Variants in EPC2 observed in about 807,000 individuals in gnomAD.
EPC2 encodes the protein enhancer of polycomb homolog 2.
A neutral mutation model predicts 92.1 loss-of-function variants in EPC2; 14 were observed. That is an observed-to-expected ratio of 0.15 (90% CI 0.10 to 0.24). EPC2 has a LOEUF of 0.24. EPC2 is among the 10% of genes least tolerant of loss of function. EPC2 has a pLI of 1.00. For synonymous variants in EPC2, 340 were observed against 334.7 expected, an observed-to-expected ratio of 1.02 and a Z score of -0.17; for missense variants, 755 against 971.5, an observed-to-expected ratio of 0.78 and a Z score of 2.96.
At chr2:148,767,482 A>G (rs1212116355) in intron 7 of EPC2, among the ~76,000 whole-genome samples, 2 of 152,168 alleles carry the variant, frequency 1.3e-5, no homozygotes, top group South Asian at 2.1e-4. Flanking sequence ...TGGTATCTCC[A>G]TATTACTAAA....
At chr2:148,703,554 G>A (rs1681930578) in intron 2 of EPC2, among the ~76,000 whole-genome samples, 1 of 152,012 alleles carries the variant, frequency 6.6e-6, no homozygotes. Flanking sequence ...TTTGAGACAG[G>A]GTCTCACTGT....
Position 148,731,842 on chromosome 2 carries a change from T to G in EPC2, c.314-11780T>G, listed in dbSNP as rs560613072. Among the ~76,000 whole-genome samples, 235 of 152,370 alleles carry G rather than the reference T, an allele frequency of 1.5e-3. 4 individuals carry two copies. Among genetic ancestry groups the G allele is most frequent in the Middle Eastern group, 3.4e-3 (1 of 294 alleles). On this transcript the variant is annotated intron_variant, in intron 2 of 13. Coordinates refer to ENST00000258484, the MANE Select transcript of EPC2 (RefSeq NM_015630.4). ...GTATAAGTCTAACAAAAATAATCTT[T>G]TGATTTATCTGTATCTTTGCTCCCC...
At chr2:148,646,597 A>C (rs1290200591) in intron 1 of EPC2, among the ~76,000 whole-genome samples, 1 of 29,458 alleles carries the variant, frequency 3.4e-5, no homozygotes, top group Non-Finnish European at 8.4e-5. Context: ...TTTGTATGTG[A>C]GAACTTTTTT....
chr2:148,729,271 T>C (rs1416143921), intron 2 of EPC2, among the ~76,000 whole-genome samples: 2 of 152,110 alleles, frequency 1.3e-5, no homozygotes, highest in Admixed American at 6.5e-5. Context: ...AGTTTTGAAA[T>C]TTTGCTAATC....
At chr2:148,662,509 C>A (rs1680958714) in intron 1 of EPC2, among the ~76,000 whole-genome samples, 1 of 152,148 alleles carries the variant, frequency 6.6e-6, no homozygotes, top group South Asian at 2.1e-4. Flanking sequence ...GAGTTCATGT[C>A]CTTTGTAGGG....
chr2:148,682,547 C>G (rs925601141), intron 1 of EPC2, among the ~76,000 whole-genome samples: 1 of 152,118 alleles, frequency 6.6e-6, no homozygotes, highest in Non-Finnish European at 1.5e-5. Context: ...AATACATAAT[C>G]TTATTATTGT....
intron 2 of EPC2, among the ~76,000 whole-genome samples, chr2:148,733,413 A>C (rs1165551352): frequency 6.7e-6 from 1 of 149,022 alleles, no homozygotes; most frequent in Non-Finnish European, 1.5e-5. Flanking sequence ...GATCTCTATC[A>C]CATATTCTTC....
At chr2:148,782,761 T>TTTCCC (rs10626824) in intron 11 of EPC2, among the ~76,000 whole-genome samples, 1 of 151,994 alleles carries the variant, frequency 6.6e-6, no homozygotes, top group East Asian at 1.9e-4. Context: ...TGATAATAAA[T>TTTCCC]TTTTAAGCCA....
At chr2:148,778,256 G>A (rs1683684445) in intron 10 of EPC2, among the ~76,000 whole-genome samples, 6 of 152,168 alleles carry the variant, frequency 3.9e-5, no homozygotes, top group African/African-American at 1.4e-4. Context: ...TTGGCCCTAA[G>A]CAAGAGAAGC....
intron 2 of EPC2, among the ~76,000 whole-genome samples, chr2:148,736,308 T>C (rs531821147): frequency 2.0e-5 from 3 of 152,334 alleles, no homozygotes; most frequent in African/African-American, 7.2e-5. Flanking sequence ...TTATTGCTGT[T>C]TTTGGGCAGT....
intron 1 of EPC2, among the ~76,000 whole-genome samples, chr2:148,652,638 G>C (rs1038495230): frequency 5.3e-5 from 8 of 152,102 alleles, no homozygotes; most frequent in African/African-American, 1.9e-4. Context: ...CTATCTACTG[G>C]CATATTGTCC....
At chr2:148,651,461 T>C (rs756169910) in intron 1 of EPC2, among the ~76,000 whole-genome samples, 6 of 152,106 alleles carry the variant, frequency 3.9e-5, no homozygotes, top group Middle Eastern at 3.2e-3. Context: ...CAGTAAATAT[T>C]TGGTGAATGA....
At chr2:148,754,643 A>G (rs1683147435) in intron 4 of EPC2, among the ~76,000 whole-genome samples, 1 of 152,170 alleles carries the variant, frequency 6.6e-6, no homozygotes. Flanking sequence ...TCTGGCTGCT[A>G]CAAGGTCGTG....
At chr2:148,764,270 G>A (rs1327678739) in intron 6 of EPC2, among the ~76,000 whole-genome samples, 2 of 152,142 alleles carry the variant, frequency 1.3e-5, no homozygotes, top group African/African-American at 4.8e-5. Context: ...GACTTTTAAA[G>A]TGCTAGATCC....
At chr2:148,751,353 T>C (rs1363549424) in intron 3 of EPC2, among the ~76,000 whole-genome samples, 3 of 152,132 alleles carry the variant, frequency 2.0e-5, no homozygotes, top group Admixed American at 1.3e-4. Flanking sequence ...AAAGCCTATA[T>C]GGTAGGATAA....
At chr2:148,772,171 G>T (rs923137858) in intron 10 of EPC2, among the ~76,000 whole-genome samples, 9 of 152,104 alleles carry the variant, frequency 5.9e-5, no homozygotes, top group Non-Finnish European at 1.3e-4. Context: ...TTTAAGAAAT[G>T]TATTCAGGTT....
intron 2 of EPC2, among the ~76,000 whole-genome samples, chr2:148,706,722 C>T (rs1318809276): frequency 6.6e-6 from 1 of 152,124 alleles, no homozygotes; most frequent in Non-Finnish European, 1.5e-5. Flanking sequence ...AATTTCCAAC[C>T]CAGAATTTCA....
At chr2:148,742,207 G>T (rs1356235949) in intron 2 of EPC2, among the ~76,000 whole-genome samples, 1 of 152,050 alleles carries the variant, frequency 6.6e-6, no homozygotes, top group Non-Finnish European at 1.5e-5. Flanking sequence ...TTGTTTCTGT[G>T]TATGTTTATA....
At chr2:148,711,333 G>A (rs1468963072) in intron 2 of EPC2, among the ~76,000 whole-genome samples, 4 of 151,844 alleles carry the variant, frequency 2.6e-5, no homozygotes, top group Non-Finnish European at 5.9e-5. Flanking sequence ...TTTGATCCAT[G>A]TATTATTTTA....
Sources: allele counts gnomAD v4.1 joint callset (sites outside exome capture counted in the v4.1 genomes callset), GRCh38; gene constraint gnomAD v4.1.1; transcripts MANE v1.5; gene names NCBI Gene and HGNC (gene_info 2026-07-23, HGNC 2026-07-21).